Variants in IL27RA observed in about 807,000 individuals in gnomAD.
IL27RA encodes interleukin 27 receptor subunit alpha.
A neutral mutation model predicts 80.8 loss-of-function variants in IL27RA; 61 were observed. The observed-to-expected ratio is 0.76, with a 90% confidence interval of 0.61 to 0.93. The LOEUF (loss-of-function observed/expected upper bound fraction) is 0.93, where lower values mean the gene tolerates loss of function less well. Ranked by LOEUF, IL27RA falls within the 40% of genes least tolerant of loss-of-function variation. IL27RA has a pLI of 0.00. For missense variants in IL27RA, 735 were observed against 808.1 expected, an observed-to-expected ratio of 0.91 and a Z score of 1.10; for synonymous variants, 316 against 332.5, an observed-to-expected ratio of 0.95 and a Z score of 0.54.
At chr19:14,042,871 G>A in intron 6 of IL27RA, 82 bp downstream of exon 6, 1 of 1,255,166 alleles carries the variant, frequency 8.0e-7, no homozygotes, top group South Asian at 1.2e-5. Flanking sequence ...GGATGCAGTG[G>A]CTCACGCTTG....
In IL27RA at chr19:14,051,684, C is replaced by G. The variant is rs1976167404; in HGVS notation, c.1606C>G (p.Leu536Val). 1 of 1,608,140 alleles carries G rather than the reference C, an allele frequency of 6.2e-7. No individual in the cohort carries two copies. The highest frequency in any genetic ancestry group is 1.1e-5 in the South Asian group (1 of 90,624). ...GTTCCTGTTGGGGTGTGGCCTGAGC[C>G]TGGCCACCTCTGGAAGGTGAGGCTG... ...GLFLLGCGLSLATSGRCYHLR... is the reference protein window; with the variant it reads ...GLFLLGCGLSVATSGRCYHLR... The change falls in exon 12 of 14, where the codon CTG (leucine) becomes GTG (valine). Residue 536 changes from leucine to valine, a missense_variant. Coordinates refer to ENST00000263379, the MANE Select transcript of IL27RA (RefSeq NM_004843.4).
chr19:14,034,154 A>G (rs1277103222), intron 2 of IL27RA, among the ~76,000 whole-genome samples: 1 of 152,128 alleles, frequency 6.6e-6, no homozygotes, highest in African/African-American at 2.4e-5. Context: ...AAGATTATTC[A>G]GTGTGGTGCT....
At chr19:14,044,848 C>T (rs866919079) in intron 6 of IL27RA, among the ~76,000 whole-genome samples, 1 of 151,612 alleles carries the variant, frequency 6.6e-6, no homozygotes, top group South Asian at 2.1e-4. Flanking sequence ...TACCAGGGGC[C>T]GGGCACAGTG....
rs201794701 is a variant in IL27RA, at chr19:14,039,897, C to A, written c.521C>A (p.Ala174Glu). Residue 174 changes from alanine (A) to glutamate (E), a missense_variant, in exon 4 of 14, where the codon GCG (alanine) becomes GAG (glutamate). Ala to Glu is a moderately radical substitution (Grantham distance 107). Coordinates refer to ENST00000263379, the MANE Select transcript of IL27RA (RefSeq NM_004843.4). Reference sequence around the variant, plus strand: ...TTCCACTACCGAAGATGTCAGGAGGCGGCCTGGACCCTGGTGAGTGCTGGG... The same window carrying A: ...TTCCACTACCGAAGATGTCAGGAGGAGGCCTGGACCCTGGTGAGTGCTGGG... ...CQFHYRRCQE[A>E]AWTLLEPELK... 1 of 1,613,922 alleles carries A rather than the reference C, an allele frequency of 6.2e-7. No homozygotes were observed.
At chr19:14,032,291 C>CG (rs1409033007) in intron 1 of IL27RA, 95 bp from the exon 2 acceptor site, 18 of 959,512 alleles carry the variant, frequency 1.9e-5, no homozygotes, top group Non-Finnish European at 1.9e-5. Context: ...TAAGCCCCCC[C>CG]ACCTTGCAAT....
At chr19:14,046,825 C>T (rs191070794) in intron 8 of IL27RA, among the ~76,000 whole-genome samples, 146 of 151,958 alleles carry the variant, frequency 9.6e-4, no homozygotes, top group African/African-American at 2.9e-3. Context: ...AGTGAAACCC[C>T]GTCTCTACTA....
chr19:14,035,305 C>T (rs1055369227), intron 2 of IL27RA, among the ~76,000 whole-genome samples: 3 of 151,182 alleles, frequency 2.0e-5, no homozygotes, highest in Non-Finnish European at 4.4e-5. Flanking sequence ...CCAAAATCTA[C>T]GATCTTAACC....
At chr19:14,040,225 A>G (rs147982553) in intron 4 of IL27RA, among the ~76,000 whole-genome samples, 2,511 of 150,620 alleles carry the variant, frequency 0.017, 71 homozygotes, top group African/African-American at 0.059. Flanking sequence ...TTACCTAGGC[A>G]TGGTGGTGGG....
chr19:14,032,289 C>A, intron 1 of IL27RA, 97 bp from the exon 2 acceptor site: 1 of 952,534 alleles, frequency 1.0e-6, no homozygotes, highest in African/African-American at 1.6e-5. Context: ...CCTAAGCCCC[C>A]CCACCTTGCA....
intron 6 of IL27RA, among the ~76,000 whole-genome samples, chr19:14,044,955 T>C (rs1370826741): frequency 6.6e-6 from 1 of 151,146 alleles, no homozygotes; most frequent in Non-Finnish European, 1.5e-5. Flanking sequence ...GAAACCCCCA[T>C]CTCTACTAAA....
chr19:14,045,044 G>A (rs765887732), intron 6 of IL27RA, among the ~76,000 whole-genome samples: 1 of 150,668 alleles, frequency 6.6e-6, no homozygotes, highest in Non-Finnish European at 1.5e-5. Flanking sequence ...AGAATCTCCT[G>A]AACCCGGGGA....
At chr19:14,051,475 G>C (rs1253740595) in intron 11 of IL27RA, 132 bp from the exon 12 acceptor site, 1 of 393,752 alleles carries the variant, frequency 2.5e-6, no homozygotes, top group East Asian at 3.9e-5. Flanking sequence ...CCAGGAGGCG[G>C]AGGTTGCAGT....
rs368378512 is a variant in IL27RA, at chr19:14,046,229, A to G, written c.844A>G (p.Ile282Val). 2 of 1,614,184 alleles carry G rather than the reference A, an allele frequency of 1.2e-6. No homozygotes were observed. Among genetic ancestry groups the G allele is most frequent in the African/African-American group, 1.3e-5 (1 of 75,056 alleles). The change falls in exon 7 of 14, where the codon ATT becomes GTT. Residue 282 changes from isoleucine (I) to valine (V), a missense_variant. Ile to Val is a conservative substitution (Grantham distance 29). Transcript: ENST00000263379. ...AGGTCGTGAGCTGAGTCCAGAAGGA[A>G]TTACCTGCTGCTGCTCCCTAATTCC... ...VGGRELSPEG[I>V]TCCCSLIPSG...
In IL27RA at chr19:14,042,449, CCAG is replaced by C. The variant is rs780556312; in HGVS notation, c.535-2_535del. 1 of 1,613,476 alleles carries C rather than the reference CCAG, an allele frequency of 6.2e-7. No homozygotes were observed. The highest frequency in any genetic ancestry group is 8.5e-7 in the Non-Finnish European group (1 of 1,179,550). On this transcript the variant is annotated splice_acceptor_variant and splice_polypyrimidine_tract_variant and intron_variant, in intron 4 of 13. Transcript: ENST00000263379. LOFTEE classifies it high-confidence loss of function. ...CCCATCACGCTCGCCTGTCTCTCCC[CCAG>C]CTGGAACCGGAGCTGAAGACCATAC... is the stretch of plus-strand genomic sequence containing the variant.
intron 2 of IL27RA, among the ~76,000 whole-genome samples, chr19:14,034,115 A>G (rs1975862104): frequency 6.6e-6 from 1 of 152,196 alleles, no homozygotes; most frequent in Admixed American, 6.5e-5. Flanking sequence ...GACATTAGGC[A>G]AGTCACTTAA....
chr19:14,049,105 G>A (rs964603267), intron 9 of IL27RA, 23 bp downstream of exon 9: 4 of 1,612,540 alleles, frequency 2.5e-6, no homozygotes, highest in African/African-American at 1.3e-5. Context: ...CTGGAGGATG[G>A]GGGGGCTTCT....
chr19:14,042,331 A>G, intron 4 of IL27RA, 122 bp from the exon 5 acceptor site: 1 of 1,028,376 alleles, frequency 9.7e-7, no homozygotes, highest in Non-Finnish European at 1.4e-6. Context: ...ACACCACTGC[A>G]CTCTAGCCTG....
Position 14,049,136 on chromosome 19 carries a change from C to A in IL27RA, c.1244-20C>A. On this transcript the variant is annotated intron_variant, in intron 9 of 13. Coordinates refer to ENST00000263379, the MANE Select transcript of IL27RA (RefSeq NM_004843.4). ...CTTCTGTAACCCAGGCCGACCTTGA[C>A]CTACTGCCTTCCTCCCCAGCACCCC... 6.2e-7 allele frequency: 1 copy of A among 1,613,030 alleles called. No homozygotes were observed. The highest frequency in any genetic ancestry group is 8.5e-7 in the Non-Finnish European group (1 of 1,179,340).
intron 2 of IL27RA, among the ~76,000 whole-genome samples, chr19:14,033,662 C>T (rs950667051): frequency 2.1e-5 from 3 of 143,226 alleles, no homozygotes; most frequent in Admixed American, 6.8e-5. Flanking sequence ...GAGACTCTGT[C>T]TCAAAAAAAT....
Sources: allele counts gnomAD v4.1 joint callset (sites outside exome capture counted in the v4.1 genomes callset), GRCh38; gene constraint gnomAD v4.1.1; transcripts MANE v1.5; gene names NCBI Gene and HGNC (gene_info 2026-07-23, HGNC 2026-07-21).